The following SYT10 variants were observed in gnomAD, a reference collection of about 807,000 sequenced individuals.
SYT10 encodes synaptotagmin 10, also known as synaptotagmin-10.
SYT10 carries 31 observed loss-of-function variants against 51.1 expected under a neutral mutation model. The ratio of observed to expected loss-of-function variants is 0.61; its 90% CI spans 0.46 to 0.82. The LOEUF is 0.82. Among genes scored for constraint, SYT10 ranks in the 40% least tolerant of loss-of-function variants. The pLI is 0.00. For synonymous variants in SYT10, 233 were observed against 225.9 expected, an observed-to-expected ratio of 1.03 and a Z score of -0.28; for missense variants, 603 against 634.0, an observed-to-expected ratio of 0.95 and a Z score of 0.53.
intron 5 of SYT10, among the ~76,000 whole-genome samples, chr12:33,381,633 G>C (rs1047625619): frequency 3.9e-5 from 6 of 152,146 alleles, no homozygotes; most frequent in Non-Finnish European, 7.4e-5. Flanking sequence ...AGGCTGTGGG[G>C]TGTTGGTGGG....
In SYT10 at chr12:33,412,912, T is replaced by C. The variant is rs1866420088; in HGVS notation, c.510-5556A>G. ...GGCTAAAGGAGGAAGTTCGAACCCA[T>C]CCAAAAAAACTAAAAACCTTGAAAA... On this transcript the variant is annotated intron_variant, in intron 2 of 6. Coordinates refer to ENST00000228567, the MANE Select transcript of SYT10 (RefSeq NM_198992.4). Among the ~76,000 whole-genome samples, 3 of 151,668 alleles carry C rather than the reference T, an allele frequency of 2.0e-5. No homozygotes were observed. In the South Asian group the frequency reaches 6.3e-4, roughly 32 times the overall value.
chr12:33,428,992 G>A (rs538951960), intron 1 of SYT10, among the ~76,000 whole-genome samples: 1 of 152,276 alleles, frequency 6.6e-6, no homozygotes, highest in East Asian at 1.9e-4. Context: ...CCTAGGGAAG[G>A]AGGAGAGAGG....
At chr12:33,426,545 A>G (rs1866555094) in intron 1 of SYT10, 50 bp from the exon 2 acceptor site, 1 of 1,383,240 alleles carries the variant, frequency 7.2e-7, no homozygotes, top group Non-Finnish European at 9.6e-7. Context: ...TACATAAAAA[A>G]GCAGAAATGG....
chr12:33,415,779 A>T (rs1490791881), intron 2 of SYT10, among the ~76,000 whole-genome samples: 2 of 152,224 alleles, frequency 1.3e-5, no homozygotes, highest in Non-Finnish European at 2.9e-5. Flanking sequence ...AAACAAAGAC[A>T]AGAGTGATTC....
rs377568629 is a variant in SYT10 at position 33,407,053 on chromosome 12, C to G, written c.813G>C (p.Val271=). The change falls in exon 3 of 7, where the codon GTG becomes GTC. Residue 271 remains valine (V), a synonymous_variant. Coordinates refer to ENST00000228567, the MANE Select transcript of SYT10 (RefSeq NM_198992.4). ...KDFTGTSDPY[V]KMYLLPDRKK... ...TCCTATCTGGAAGAAGATACATCTT[C>G]ACATAAGGGTCAGAAGTTCCTGTGA... The G allele has an allele frequency of 6.2e-7, 1 of 1,614,154 alleles. No individual in the cohort carries two copies. The highest frequency in any genetic ancestry group is 1.7e-5 in the Admixed American group (1 of 60,028).
rs897553688 is a variant in SYT10, at chr12:33,439,608, A to G, written c.-86T>C. The G allele has an allele frequency of 3.4e-6, 5 of 1,469,144 alleles. No individual in the cohort carries two copies. The highest frequency in any genetic ancestry group is 4.6e-6 in the Non-Finnish European group (5 of 1,093,440). The allele number at this position is 1,469,144 out of a possible 1,614,324, so 91.0% of individuals were successfully genotyped here. A position where few individuals can be genotyped will look rare whatever the true frequency, so the allele number is the denominator to read the frequency against. ...TACCTCTAACCCCTCTGGCGCCCTA[A>G]GCCATAGTCCGCCCGCGGTGACTTT... is the stretch of plus-strand genomic sequence containing the variant. On this transcript the variant is annotated 5_prime_UTR_variant, in exon 1 of 7. Coordinates refer to ENST00000228567, the MANE Select transcript of SYT10 (RefSeq NM_198992.4).
At chr12:33,382,328 T>G in intron 5 of SYT10, 21 bp downstream of exon 5, 1 of 1,529,954 alleles carries the variant, frequency 6.5e-7, no homozygotes. Context: ...TGCTCTTCAG[T>G]GAGAAGAGAG....
In SYT10 at chr12:33,375,885, T is replaced by C. The variant is rs545928577; in HGVS notation, c.*945A>G. 6.5e-6 allele frequency: 1 copy of C among 152,688 alleles called. No individual in the cohort carries two copies. Among genetic ancestry groups the C allele is most frequent in the African/African-American group, 2.4e-5 (1 of 41,556 alleles). The allele number at this position is 152,688 out of a possible 1,614,324, so 9.5% of individuals were successfully genotyped here. On this transcript the variant is annotated 3_prime_UTR_variant, in exon 7 of 7. Transcript: ENST00000228567. ...AGACAGTGTTGTTGTTCCTTTGGTG[T>C]CTGTTAGTATGGTCTATCAGAAATA...
intron 3 of SYT10, among the ~76,000 whole-genome samples, chr12:33,398,641 C>T (rs543089774): frequency 1.8e-4 from 27 of 152,222 alleles, no homozygotes; most frequent in African/African-American, 6.3e-4. Context: ...TTAAAATTAT[C>T]CCTTATGATA....
At chr12:33,381,312 G>A (rs1403173869) in intron 5 of SYT10, among the ~76,000 whole-genome samples, 1 of 152,120 alleles carries the variant, frequency 6.6e-6, no homozygotes, top group East Asian at 1.9e-4. Context: ...CTCTAAGCCA[G>A]AGGAGAGCAC....
intron 2 of SYT10, among the ~76,000 whole-genome samples, chr12:33,415,381 G>A (rs992718275): frequency 2.0e-5 from 3 of 152,120 alleles, no homozygotes; most frequent in Non-Finnish European, 4.4e-5. Context: ...GGGATGCAGA[G>A]ACAGCTCAAA....
intron 1 of SYT10, among the ~76,000 whole-genome samples, chr12:33,430,109 G>A (rs566233723): frequency 6.6e-6 from 1 of 152,314 alleles, no homozygotes; most frequent in African/African-American, 2.4e-5. Flanking sequence ...ATTAGGCTCT[G>A]AGATAATTAG....
chr12:33,397,113 C>G (rs1045173913), intron 3 of SYT10, among the ~76,000 whole-genome samples: 1 of 152,154 alleles, frequency 6.6e-6, no homozygotes, highest in Non-Finnish European at 1.5e-5. Context: ...TATACAGACA[C>G]ATACACAGCA....
intron 4 of SYT10, among the ~76,000 whole-genome samples, chr12:33,384,765 C>T (rs756618658): frequency 6.6e-6 from 1 of 152,168 alleles, no homozygotes; most frequent in Non-Finnish European, 1.5e-5. Flanking sequence ...TGGAACATGG[C>T]TATTTCCCTG....
chr12:33,385,893 A>G (rs1262624232), intron 3 of SYT10, among the ~76,000 whole-genome samples: 1 of 152,238 alleles, frequency 6.6e-6, no homozygotes, highest in Non-Finnish European at 1.5e-5. Context: ...TGTTTAAGGG[A>G]TCACAACTGT....
intron 5 of SYT10, 59 bp from the exon 6 acceptor site, chr12:33,380,020 A>G: frequency 2.0e-6 from 3 of 1,526,296 alleles, no homozygotes; most frequent in Admixed American, 3.9e-5. Flanking sequence ...AGGGGGTTTC[A>G]CAAATCGTAG....
intron 2 of SYT10, among the ~76,000 whole-genome samples, chr12:33,413,144 A>G (rs1477074166): frequency 6.6e-6 from 1 of 152,202 alleles, no homozygotes; most frequent in Non-Finnish European, 1.5e-5. Context: ...AAAAGAGTAA[A>G]AAGAAATTAA....
At position 33,375,874 on chromosome 12, in the gene SYT10, T is replaced by A. The variant is rs1866057943; in HGVS notation, c.*956A>T. The A allele has an allele frequency of 6.6e-6, 1 of 152,584 alleles. No homozygotes were observed. Among genetic ancestry groups the A allele is most frequent in the Non-Finnish European group, 1.5e-5 (1 of 67,992 alleles). The allele number at this position is 152,584 out of a possible 1,614,324, so 9.5% of individuals were successfully genotyped here. A position where few individuals can be genotyped will look rare whatever the true frequency, so the allele number is the denominator to read the frequency against. ...GTGATGAACACAGACAGTGTTGTTG[T>A]TCCTTTGGTGTCTGTTAGTATGGTC... is the stretch of plus-strand genomic sequence containing the variant. On this transcript the variant is annotated 3_prime_UTR_variant, in exon 7 of 7. Transcript: ENST00000228567.
intron 1 of SYT10, 59 bp from the exon 2 acceptor site, chr12:33,426,554 G>T: frequency 3.8e-6 from 5 of 1,328,620 alleles, no homozygotes; most frequent in Non-Finnish European, 4.0e-6. Context: ...AAGCAGAAAT[G>T]GAAAGAATAT....
Sources: gnomAD v4.1 joint callset for allele counts (sites outside exome capture counted in the v4.1 genomes callset) on GRCh38, gnomAD v4.1.1 for gene constraint, MANE v1.5 for transcripts, NCBI Gene and HGNC (gene_info 2026-07-23, HGNC 2026-07-21) for gene names.